The following CNGA1 variants were observed in gnomAD, a reference collection of about 807,000 sequenced individuals.
CNGA1 encodes the protein cyclic nucleotide gated channel subunit alpha 1, also known as cyclic nucleotide-gated channel alpha-1.
In CNGA1, 53 loss-of-function variants were observed where a neutral mutation model predicts 69.7. The observed-to-expected ratio is 0.76, with a 90% CI of 0.61 to 0.96. CNGA1 has a LOEUF of 0.96. Ranked by LOEUF, CNGA1 falls within the 40% of genes least tolerant of loss-of-function variation. CNGA1 has a pLI of 0.00. For synonymous variants in CNGA1, 249 were observed against 283.5 expected, an observed-to-expected ratio of 0.88 and a Z score of 1.22; for missense variants, 739 against 811.2, an observed-to-expected ratio of 0.91 and a Z score of 1.08.
intron 8 of CNGA1, 127 bp downstream of exon 8, chr4:47,943,054 G>GTAAATAAGAGTGAAAGT: frequency 1.5e-6 from 1 of 657,082 alleles, no homozygotes; most frequent in Non-Finnish European, 2.7e-6. Flanking sequence ...AATATTTAAA[G>GTAAATAAGAGTGAAAGT]ACATTTAGTC....
At chr4:48,000,267 T>C (rs955539070) in intron 2 of CNGA1, among the ~76,000 whole-genome samples, 2 of 152,128 alleles carry the variant, frequency 1.3e-5, no homozygotes, top group African/African-American at 4.8e-5. Context: ...CCAAATTTGA[T>C]GAAAAGTATA....
chr4:47,999,620 C>A (rs1385698479), intron 2 of CNGA1, among the ~76,000 whole-genome samples: 1 of 152,168 alleles, frequency 6.6e-6, no homozygotes, highest in African/African-American at 2.4e-5. Flanking sequence ...CCTGTAATCA[C>A]AGCACTTTGG....
chr4:47,941,685 C>T (rs1323641970), intron 9 of CNGA1, among the ~76,000 whole-genome samples: 1 of 152,114 alleles, frequency 6.6e-6, no homozygotes, highest in Non-Finnish European at 1.5e-5. Context: ...CTGGGCTTAA[C>T]ACCTGGGTGA....
intron 3 of CNGA1, among the ~76,000 whole-genome samples, chr4:47,954,531 G>C (rs1276429728): frequency 1.3e-5 from 2 of 152,204 alleles, no homozygotes; most frequent in East Asian, 3.8e-4. Context: ...CGTCCTGCAA[G>C]GGGAATCAGA....
intron 1 of CNGA1, among the ~76,000 whole-genome samples, chr4:48,014,268 A>G (rs1385924718): frequency 6.6e-6 from 1 of 152,234 alleles, no homozygotes; most frequent in Non-Finnish European, 1.5e-5. Flanking sequence ...GTGTGGTACT[A>G]TAACGGTATT....
chr4:48,011,521 T>C (rs1006879476), intron 1 of CNGA1, among the ~76,000 whole-genome samples: 1 of 152,070 alleles, frequency 6.6e-6, no homozygotes, highest in Non-Finnish European at 1.5e-5. Flanking sequence ...CTATTGTCAG[T>C]GAAAAGAGTT....
chr4:48,010,296 T>C (rs1386072487), intron 2 of CNGA1, among the ~76,000 whole-genome samples: 3 of 152,256 alleles, frequency 2.0e-5, no homozygotes, highest in Non-Finnish European at 2.9e-5. Flanking sequence ...ACTGGATCTC[T>C]AAGCTCTGGG....
chr4:47,988,239 G>T (rs1470053966), intron 2 of CNGA1, among the ~76,000 whole-genome samples: 2 of 152,152 alleles, frequency 1.3e-5, no homozygotes, highest in Admixed American at 1.3e-4. Context: ...GATGAGACAG[G>T]AAGGACATAA....
chr4:47,964,941 C>A (rs530426023), intron 3 of CNGA1, among the ~76,000 whole-genome samples: 20 of 152,202 alleles, frequency 1.3e-4, no homozygotes, highest in Non-Finnish European at 2.2e-4. Context: ...TATTTTGAAA[C>A]TGACCACATT....
At chr4:47,970,750 CT>C in intron 3 of CNGA1, 1 of 362,606 alleles carries the variant, frequency 2.8e-6, no homozygotes, top group South Asian at 2.3e-5. Context: ...CTCCCTCTGC[CT>C]TTCTTCCTAC....
At chr4:47,942,869 G>T in intron 8 of CNGA1, 2 of 211,458 alleles carry the variant, frequency 9.5e-6, no homozygotes, top group Non-Finnish European at 9.3e-6. Flanking sequence ...ATCCTCCTTG[G>T]AACCTAAATA....
At chr4:47,941,556 A>T (rs1739078004) in intron 9 of CNGA1, among the ~76,000 whole-genome samples, 1 of 152,188 alleles carries the variant, frequency 6.6e-6, no homozygotes, top group East Asian at 1.9e-4. Context: ...CGATGTTCTA[A>T]TTAAGTTATT....
At chr4:47,964,672 T>G (rs1450285333) in intron 3 of CNGA1, among the ~76,000 whole-genome samples, 1 of 152,122 alleles carries the variant, frequency 6.6e-6, no homozygotes, top group African/African-American at 2.4e-5. Flanking sequence ...AGACCATCTT[T>G]TCCCTACTGA....
chr4:47,973,919 G>A (rs377266199), intron 3 of CNGA1, among the ~76,000 whole-genome samples: 43 of 152,196 alleles, frequency 2.8e-4, no homozygotes, highest in African/African-American at 7.9e-4. Context: ...GTGGCCGGGT[G>A]TGGTGGCTCA....
chr4:47,968,019 A>G (rs925235582), intron 3 of CNGA1, among the ~76,000 whole-genome samples: 1 of 152,162 alleles, frequency 6.6e-6, no homozygotes, highest in Non-Finnish European at 1.5e-5. Flanking sequence ...TCTGTGCCCA[A>G]CTTAATAAAT....
intron 2 of CNGA1, among the ~76,000 whole-genome samples, chr4:47,986,490 ATTTCAATTTATT>A (rs1741983374): frequency 6.6e-6 from 1 of 152,068 alleles, no homozygotes; most frequent in Admixed American, 6.6e-5. Flanking sequence ...AGGTGAAGTA[ATTTCAATTTATT>A]TTCAATTTTC....
At position 47,937,129 on chromosome 4, in the gene CNGA1, C is replaced by T; in HGVS notation, c.1353G>A (p.Lys451=). ...CTGCTCTTAGTTTATCAGGTAGATA[C>T]TTTAAGACTTCTTTCTCATCAACTG... ...KKTVDEKEVL[K]YLPDKLRAEI... is the part of the protein sequence containing the mutation. The change falls in exon 11 of 11, where the codon AAG becomes AAA. Residue 451 remains lysine (K), a synonymous_variant. Transcript: ENST00000514170. 1 of 1,614,150 alleles carries T rather than the reference C, an allele frequency of 6.2e-7. No homozygotes were observed. Among genetic ancestry groups the T allele is most frequent in the Non-Finnish European group, 8.5e-7 (1 of 1,180,030 alleles).
chr4:47,947,761 G>A (rs1417166277), intron 6 of CNGA1, among the ~76,000 whole-genome samples: 1 of 152,200 alleles, frequency 6.6e-6, no homozygotes, highest in Non-Finnish European at 1.5e-5. Context: ...CAAATGCCTT[G>A]ACTGGTTGGT....
At chr4:48,016,183 G>C (rs1231048186) in intron 1 of CNGA1, among the ~76,000 whole-genome samples, 1 of 152,320 alleles carries the variant, frequency 6.6e-6, no homozygotes, top group East Asian at 1.9e-4. Context: ...GGGCAGGGTA[G>C]GGGGAGTTGC....
Sources: allele counts gnomAD v4.1 joint callset (sites outside exome capture counted in the v4.1 genomes callset), GRCh38; gene constraint gnomAD v4.1.1; transcripts MANE v1.5; gene names NCBI Gene and HGNC (gene_info 2026-07-23, HGNC 2026-07-21).